Variants in GOLGA8M observed in about 807,000 individuals in gnomAD.
GOLGA8M encodes the protein golgin subfamily A member 8M.
A neutral mutation model predicts 87.7 loss-of-function variants in GOLGA8M; 34 were observed. The ratio of observed to expected loss-of-function variants is 0.39; its 90% CI spans 0.29 to 0.52. The LOEUF is 0.52. GOLGA8M is among the 20% of genes least tolerant of loss of function. GOLGA8M has a pLI of 0.80. For missense variants in GOLGA8M, 396 were observed against 682.2 expected, an observed-to-expected ratio of 0.58 and a Z score of 4.67; for synonymous variants, 138 against 250.2, an observed-to-expected ratio of 0.55 and a Z score of 4.23.
At position 28,705,191 on chromosome 15, in the gene GOLGA8M, G is replaced by C; in HGVS notation, c.1168C>G (p.Gln390Glu). 1 of 1,598,274 alleles carries C rather than the reference G, an allele frequency of 6.3e-7. No homozygotes were observed. The highest frequency in any genetic ancestry group is 8.5e-7 in the Non-Finnish European group (1 of 1,179,784). Residue 390 changes from glutamine (Q) to glutamate (E), a missense_variant, in exon 13 of 19, where the codon CAA becomes GAA. Coordinates refer to ENST00000563027, the MANE Select transcript of GOLGA8M (RefSeq NM_001282468.3). The part of the protein sequence containing the change: ...ENKSTLQLEQ[Q>E]VKELQEKLGE... The stretch of plus-strand genomic sequence containing the variant: ...AGCTTCTCCTGTAGCTCCTTTACTT[G>C]CTGCTCCAACTGCAGTGTGCTCTTG...
chr15:28,704,058 T>G, intron 13 of GOLGA8M, 141 bp from the exon 14 acceptor site: 4 of 1,539,148 alleles, frequency 2.6e-6, no homozygotes, highest in Non-Finnish European at 3.4e-6. Context: ...TCAAGCTTCC[T>G]GCTACTGCAG....
Position 28,701,990 on chromosome 15 carries a change from G to T in GOLGA8M, c.1863C>A (p.Phe621Leu), listed in dbSNP as rs200954809. Residue 621 changes from phenylalanine (F) to leucine (L), a missense_variant, in exon 19 of 19, where the codon TTC becomes TTA. Phe to Leu is a conservative substitution (Grantham distance 22). Coordinates refer to ENST00000563027, the MANE Select transcript of GOLGA8M (RefSeq NM_001282468.3). ...PGLGSNCCVP[F>L]FCWAWLPRRR... ...TTCTTGGCAGCCAAGCCCAGCAAAA[G>T]AATGGCACACAGCAGTTGCTGCCCA... 5.6e-4 allele frequency: 894 copies of T among 1,599,150 alleles called. 4 individuals are homozygous for T. Among genetic ancestry groups the T allele is most frequent in the Middle Eastern group, 2.0e-3 (9 of 4,452 alleles).
At chr15:28,705,260 C>T (rs2140922204) in intron 12 of GOLGA8M, 33 bp from the exon 13 acceptor site, 1 of 1,587,766 alleles carries the variant, frequency 6.3e-7, no homozygotes, top group East Asian at 2.2e-5. Context: ...CAGCCACCCA[C>T]TGCAGCTGGA....
At position 28,700,059 on chromosome 15, in the gene GOLGA8M, AAG is replaced by A. The variant is rs1373380047; in HGVS notation, c.*1893_*1894del. 8.5e-4 allele frequency among the ~76,000 whole-genome samples: 110 copies of A among 129,458 alleles called. 8 individuals are homozygous for A. Among genetic ancestry groups the A allele is most frequent in the African/African-American group, 3.3e-3 (107 of 32,554 alleles). The allele number at this position is 129,458 out of a possible 152,430, so 84.9% of individuals were successfully genotyped here. On this transcript the variant is annotated 3_prime_UTR_variant, in exon 19 of 19. Transcript: ENST00000563027. ...ACATTGATACATTCATAAAATTTGG[AAG>A]AGTCAGTGGAAGTCACAAGGACCGA... is the stretch of plus-strand genomic sequence containing the variant.
intron 1 of GOLGA8M, chr15:28,711,960 C>T (rs1159667548): frequency 4.1e-6 from 4 of 984,646 alleles, no homozygotes; most frequent in Admixed American, 6.2e-5. Flanking sequence ...GGGCCTGGCT[C>T]CTCAGAGATG....
At position 28,705,661 on chromosome 15, in the gene GOLGA8M, ACTCTCTCT is replaced by A; in HGVS notation, c.945_952del (p.Glu316GlyfsTer62). 3 of 1,588,766 alleles carry A rather than the reference ACTCTCTCT, an allele frequency of 1.9e-6. No homozygotes were observed. In the South Asian group the frequency reaches 3.3e-5, roughly 18 times the overall value. ...GACCTGGGCCTGGAGCTCTCCTGCC[ACTCTCTCT>A]AGTTCCTTCCTCAGGTGCTGCAGCT... On this transcript the variant is annotated frameshift_variant, in exon 12 of 19. Transcript: ENST00000563027. LOFTEE classifies it high-confidence loss of function.
Position 28,707,750 on chromosome 15 carries a change from G to T in GOLGA8M, c.589C>A (p.Gln197Lys), listed in dbSNP as rs1292990428. ...ATGGGGCAGGTGGTTGGACTCACCTGGTTTGCCTTCTTCTTCTGTGTGGCC... is the reference window on the plus strand; with the variant it reads ...ATGGGGCAGGTGGTTGGACTCACCTTGTTTGCCTTCTTCTTCTGTGTGGCC... ...VMATQKKKAN[Q>K]LSSPSKAGTE... Residue 197 changes from glutamine (Q) to lysine (K), a missense_variant and splice_region_variant, in exon 8 of 19, where the codon CAG (glutamine) becomes AAG (lysine). Around this residue, in one of 12 missense-constraint regions of GOLGA8M, gnomAD observed 80 missense variants for 119.9 expected, o/e 0.67. Coordinates refer to ENST00000563027, the MANE Select transcript of GOLGA8M (RefSeq NM_001282468.3). The T allele has an allele frequency of 1.9e-6, 3 of 1,546,286 alleles. No individual in the cohort carries two copies. Among genetic ancestry groups the T allele is most frequent in the Middle Eastern group, 3.5e-4 (2 of 5,670 alleles).
In GOLGA8M at chr15:28,702,231, G is replaced by T; in HGVS notation, c.1706C>A (p.Ala569Asp). Residue 569 changes from alanine to aspartate, a missense_variant, in exon 18 of 19, where the codon GCT becomes GAT. Transcript: ENST00000563027. ...PGAPAPQELGAADKHGDLCEV... is the reference protein window; with the variant it reads ...PGAPAPQELGDADKHGDLCEV... Reference sequence around the variant, plus strand: ...GTACTCACCACCATGCTTGTCTGCAGCCCCAAGCTCCTGGGGAGCTGGGGC... The same window carrying T: ...GTACTCACCACCATGCTTGTCTGCATCCCCAAGCTCCTGGGGAGCTGGGGC... The T allele has an allele frequency of 6.3e-7, 1 of 1,588,784 alleles. No homozygotes were observed. Among genetic ancestry groups the T allele is most frequent in the East Asian group, 2.3e-5 (1 of 44,190 alleles).
intron 13 of GOLGA8M, among the ~76,000 whole-genome samples, chr15:28,704,155 G>T (rs966586632): frequency 6.7e-6 from 1 of 148,484 alleles, no homozygotes; most frequent in African/African-American, 2.5e-5. Context: ...GCCACCTGCT[G>T]CTGATAGGTG....
intron 15 of GOLGA8M, among the ~76,000 whole-genome samples, 176 bp downstream of exon 15, chr15:28,703,143 T>G (rs1177974784): frequency 7.5e-6 from 1 of 133,082 alleles, no homozygotes; most frequent in African/African-American, 3.1e-5. Context: ...GCCCCTTCCC[T>G]TGGGCCCCCA....
At position 28,707,385 on chromosome 15, in the gene GOLGA8M, CAT is replaced by C. The variant is rs1354920496; in HGVS notation, c.591+361_591+362del. Among the ~76,000 whole-genome samples the C allele has an allele frequency of 2.2e-3, 310 of 143,402 alleles. 1 individual carries two copies. The highest frequency in any genetic ancestry group is 7.9e-3 in the African/African-American group (294 of 37,300). The allele number at this position is 143,402 out of a possible 152,430, so 94.1% of individuals were successfully genotyped here. On this transcript the variant is annotated intron_variant, in intron 8 of 18. Transcript: ENST00000563027. ...ACACACACACACACACACACACACACATGCACACGTTTCCTCTTTCTACAGAA... is the reference window on the plus strand; with the variant it reads ...ACACACACACACACACACACACACACGCACACGTTTCCTCTTTCTACAGAA...
intron 2 of GOLGA8M, among the ~76,000 whole-genome samples, chr15:28,709,960 A>T (rs1353509789): frequency 7.0e-6 from 1 of 143,108 alleles, no homozygotes; most frequent in Non-Finnish European, 1.5e-5. Flanking sequence ...CACAAATGGA[A>T]GTGAAACAAT....
At chr15:28,703,114 G>T (rs574819266) in intron 15 of GOLGA8M, among the ~76,000 whole-genome samples, 1 of 133,828 alleles carries the variant, frequency 7.5e-6, no homozygotes, top group South Asian at 2.4e-4. Flanking sequence ...GAACAAATGG[G>T]GCAGAGAGGT....
chr15:28,701,739 G>T lies in GOLGA8M; in HGVS notation c.*215C>A, dbSNP rs1449572704. Among the ~76,000 whole-genome samples, 1 of 151,862 alleles carries T rather than the reference G, an allele frequency of 6.6e-6. No individual in the cohort carries two copies. The highest frequency in any genetic ancestry group is 2.4e-5 in the African/African-American group (1 of 41,290). ...AATTATGAAATTAAAAAAGAAAAAT[G>T]CTAAAGGATGCCAGAGTGAACATCA... On this transcript the variant is annotated 3_prime_UTR_variant, in exon 19 of 19. Transcript: ENST00000563027.
At position 28,712,312 on chromosome 15, in the gene GOLGA8M, T is replaced by G; in HGVS notation, c.12A>C (p.Glu4Asp). Reference sequence around the variant, plus strand: ...CTGCAGCCAATTTGTTGTGTTGAGTTTCTTCTGCCATCGCAGGGTGGGGAG... The same window carrying G: ...CTGCAGCCAATTTGTTGTGTTGAGTGTCTTCTGCCATCGCAGGGTGGGGAG... MAE[E>D]TQHNKLAAAK... The change falls in exon 1 of 19, where the codon GAA (glutamate) becomes GAC (aspartate). Residue 4 changes from glutamate to aspartate, a missense_variant. This residue lies in a region of GOLGA8M where 2 missense variants were observed against 105.9 expected (regional missense o/e 0.02). Coordinates refer to ENST00000563027, the MANE Select transcript of GOLGA8M (RefSeq NM_001282468.3). 1 of 1,512,694 alleles carries G rather than the reference T, an allele frequency of 6.6e-7. No individual in the cohort carries two copies. The highest frequency in any genetic ancestry group is 8.9e-7 in the Non-Finnish European group (1 of 1,127,730). 93.7% of individuals were successfully genotyped at this position (1,512,694 alleles called of 1,614,324 possible).
chr15:28,698,725 A>C lies in GOLGA8M; in HGVS notation c.*3229T>G, dbSNP rs1020425565. Among the ~76,000 whole-genome samples the C allele has an allele frequency of 1.0e-4, 15 of 146,654 alleles. No individual in the cohort carries two copies. The highest frequency in any genetic ancestry group is 1.6e-4 in the Non-Finnish European group (11 of 67,488). On this transcript the variant is annotated 3_prime_UTR_variant, in exon 19 of 19. Transcript: ENST00000563027. ...ACAGTATCAATACCTTTAATACTAT[A>C]GTTTTCAAGAAACGCAAAATAAAAT...
chr15:28,711,661 A>G (rs894748235), intron 1 of GOLGA8M: 102 of 984,540 alleles, frequency 1.0e-4, no homozygotes, highest in Middle Eastern at 5.2e-4. Flanking sequence ...GGACTGGGTC[A>G]TAAGATCAAA....
At chr15:28,706,956 A>G (rs1336913231) in intron 8 of GOLGA8M, among the ~76,000 whole-genome samples, 1 of 143,768 alleles carries the variant, frequency 7.0e-6, no homozygotes, top group South Asian at 2.2e-4. Context: ...TATTATTACC[A>G]CTGTTTGAAC....
Position 28,701,106 on chromosome 15 carries a change from G to A in GOLGA8M, c.*848C>T, listed in dbSNP as rs1474745221. Reference sequence around the variant, plus strand: ...AAGGTTTTCCACATCCACAGTCAACGATGGGAACCTTTCATTCCTCAGAAA... The same window carrying A: ...AAGGTTTTCCACATCCACAGTCAACAATGGGAACCTTTCATTCCTCAGAAA... On this transcript the variant is annotated 3_prime_UTR_variant, in exon 19 of 19. Coordinates refer to ENST00000563027, the MANE Select transcript of GOLGA8M (RefSeq NM_001282468.3). Among the ~76,000 whole-genome samples the A allele has an allele frequency of 6.6e-6, 1 of 151,974 alleles. No homozygotes were observed. The highest frequency in any genetic ancestry group is 1.5e-5 in the Non-Finnish European group (1 of 68,028).
Sources: allele counts gnomAD v4.1 joint callset (sites outside exome capture counted in the v4.1 genomes callset), GRCh38; gene constraint gnomAD v4.1.1; regional missense constraint gnomAD v4.1.1; transcripts MANE v1.5; gene names NCBI Gene and HGNC (gene_info 2026-07-23, HGNC 2026-07-21).